Variants in FMN1 observed in about 807,000 individuals in gnomAD.
FMN1 encodes formin 1, also known as formin-1.
FMN1 carries 110 observed loss-of-function variants against 132.4 expected under a neutral mutation model. That is an observed-to-expected ratio of 0.83 (90% CI 0.71 to 0.97). FMN1 has a LOEUF of 0.97. Among genes scored for constraint, FMN1 ranks in the 50% least tolerant of loss-of-function variants. FMN1 has a pLI of 0.00. For missense variants in FMN1, 1,792 were observed against 1,705.3 expected, an observed-to-expected ratio of 1.05 and a Z score of -0.90; for synonymous variants, 722 against 651.7, an observed-to-expected ratio of 1.11 and a Z score of -1.64.
At chr15:33,061,255 C>T (rs188786691) in intron 6 of FMN1, among the ~76,000 whole-genome samples, 562 of 152,312 alleles carry the variant, frequency 3.7e-3, no homozygotes, top group Middle Eastern at 6.8e-3. Flanking sequence ...CAAGCCCTGT[C>T]CCTGGGGAGA....
chr15:32,831,788 T>A (rs1198361321), intron 17 of FMN1, among the ~76,000 whole-genome samples: 1 of 150,096 alleles, frequency 6.7e-6, no homozygotes, highest in Non-Finnish European at 1.5e-5. Flanking sequence ...GGATGAAGAA[T>A]GTGGGTGGGG....
intron 4 of FMN1, among the ~76,000 whole-genome samples, chr15:33,137,061 C>T (rs1369667844): frequency 3.6e-5 from 5 of 139,182 alleles, no homozygotes; most frequent in Admixed American, 3.0e-4. Flanking sequence ...GCACTCCAGC[C>T]TGGGCGACAG....
intron 6 of FMN1, among the ~76,000 whole-genome samples, chr15:33,013,734 G>C (rs2140973805): frequency 6.6e-6 from 1 of 152,276 alleles, no homozygotes; most frequent in East Asian, 1.9e-4. Flanking sequence ...TGTAAATGTT[G>C]AGTCCTAACC....
In FMN1 at chr15:33,067,562, T is replaced by G. The variant is rs367765785; in HGVS notation, c.2044-2488A>C. On this transcript the variant is annotated intron_variant, in intron 5 of 20. Transcript: ENST00000616417. Reference sequence around the variant, plus strand: ...GAGAGATGTCCCTGCTTCTTTTCTCTGACTTCCCTCTGATTCTGTCTCCAC... The same window carrying G: ...GAGAGATGTCCCTGCTTCTTTTCTCGGACTTCCCTCTGATTCTGTCTCCAC... 1.9e-6 allele frequency: 3 copies of G among 1,614,002 alleles called. No homozygotes were observed. The Admixed American group carries it at 5.0e-5, about 27-fold the overall frequency.
chr15:33,077,358 T>G (rs1221154618), intron 5 of FMN1, among the ~76,000 whole-genome samples: 1 of 94,060 alleles, frequency 1.1e-5, no homozygotes, highest in Non-Finnish European at 2.3e-5. Flanking sequence ...TTTTTTAATA[T>G]ATATATATAT....
At position 32,888,290 on chromosome 15, in the gene FMN1, T is replaced by G; in HGVS notation, c.3717A>C (p.Glu1239Asp). ...GGAAAACACTCTTTTCTGTTCCAGC[T>G]TCCTAAGAGATATGGTAAACAAAAG... ...VKYYLRYYDQ[E>D]AGTEKSVFPL... Residue 1239 changes from glutamate to aspartate, a missense_variant and splice_region_variant, in exon 16 of 21, where the codon GAA becomes GAC. Transcript: ENST00000616417. 2 of 1,608,040 alleles carry G rather than the reference T, an allele frequency of 1.2e-6. No homozygotes were observed. The highest frequency in any genetic ancestry group is 1.7e-6 in the Non-Finnish European group (2 of 1,178,086).
chr15:32,768,400 A>C lies in FMN1; in HGVS notation c.*5910T>G, dbSNP rs1020561. 108,178 of 152,108 alleles carry C rather than the reference A, an allele frequency of 0.71. 39,805 individuals carry two copies. Among genetic ancestry groups the C allele is most frequent in the Non-Finnish European group, 0.8 (54,340 of 68,008 alleles). The allele number at this position is 152,108 out of a possible 1,614,324, so 9.4% of individuals were successfully genotyped here. A position where few individuals can be genotyped will look rare whatever the true frequency, so the allele number is the denominator to read the frequency against. On this transcript the variant is annotated 3_prime_UTR_variant, in exon 21 of 21. Transcript: ENST00000616417. ...ACGTTTGCCAAGGACATTAACAAAC[A>C]ATTGCTAATGTGTGCCTGAAATCTG... is the stretch of plus-strand genomic sequence containing the variant.
intron 19 of FMN1, among the ~76,000 whole-genome samples, chr15:32,783,885 G>A (rs1240165879): frequency 1.3e-5 from 2 of 151,602 alleles, no homozygotes; most frequent in Non-Finnish European, 2.9e-5. Context: ...GCTTTCTACA[G>A]GTTAGAGGCA....
intron 4 of FMN1, among the ~76,000 whole-genome samples, chr15:33,127,609 G>T (rs1963220876): frequency 6.6e-6 from 1 of 150,734 alleles, no homozygotes; most frequent in Non-Finnish European, 1.5e-5. Flanking sequence ...AACCAAGACA[G>T]AAGTTAAAAC....
At chr15:33,165,490 A>G (rs534655842) in intron 3 of FMN1, among the ~76,000 whole-genome samples, 3 of 152,262 alleles carry the variant, frequency 2.0e-5, no homozygotes, top group South Asian at 2.1e-4. Flanking sequence ...TCCCGGGTTC[A>G]CGCCATTCTC....
At position 33,191,355 on chromosome 15, in the gene FMN1, G is replaced by C. The variant is rs529258738; in HGVS notation, c.-197+2554C>G. 4.6e-5 allele frequency among the ~76,000 whole-genome samples: 7 copies of C among 152,306 alleles called. No homozygotes were observed. In the South Asian group the frequency reaches 1.4e-3, roughly 32 times the overall value. The stretch of plus-strand genomic sequence containing the variant: ...GGAACATAAAACAAGTCAGTATCAA[G>C]TTAAGGAAATAGGAGGTGTGTTGGT... On this transcript the variant is annotated intron_variant, in intron 2 of 20. Coordinates refer to ENST00000616417, the MANE Select transcript of FMN1 (RefSeq NM_001277313.2).
chr15:32,926,303 A>ACCATGCAGT (rs1384972442), intron 9 of FMN1, 42 bp from the exon 10 acceptor site: 1 of 1,152,040 alleles, frequency 8.7e-7, no homozygotes, highest in Non-Finnish European at 1.2e-6. Context: ...AGCTCAAATG[A>ACCATGCAGT]CCATGCAGTC....
rs2037645021 is a variant in FMN1 at position 33,064,841 on chromosome 15, A to G, written c.2161+116T>C. The G allele has an allele frequency of 5.9e-6, 4 of 677,570 alleles. No homozygotes were observed. The East Asian group carries it at 8.0e-5, about 14-fold the overall frequency. The allele number at this position is 677,570 out of a possible 1,614,324, so 42.0% of individuals were successfully genotyped here. A position where few individuals can be genotyped will look rare whatever the true frequency, so the allele number is the denominator to read the frequency against. On this transcript the variant is annotated intron_variant, in intron 6 of 20. Coordinates refer to ENST00000616417, the MANE Select transcript of FMN1 (RefSeq NM_001277313.2). ...CAGCAAAACCAAAAAGAAACCCTTC[A>G]GCATTACATTTTATAATGAAATAAA...
intron 5 of FMN1, among the ~76,000 whole-genome samples, chr15:33,069,546 T>C (rs1227212132): frequency 1.3e-5 from 2 of 152,040 alleles, no homozygotes; most frequent in Admixed American, 6.6e-5. Flanking sequence ...TCTGCAGGAG[T>C]GGGTGGCTGC....
At chr15:33,016,586 G>A (rs1024436779) in intron 6 of FMN1, among the ~76,000 whole-genome samples, 3 of 152,222 alleles carry the variant, frequency 2.0e-5, no homozygotes, top group Non-Finnish European at 4.4e-5. Flanking sequence ...GCTGCCAGCA[G>A]AGCTTTTTAA....
chr15:33,049,751 C>A (rs186348308), intron 6 of FMN1, among the ~76,000 whole-genome samples: 6 of 152,334 alleles, frequency 3.9e-5, no homozygotes, highest in East Asian at 1.9e-4. Context: ...CTGTCCAAAT[C>A]GTGTTCAAAT....
At chr15:32,961,292 C>T (rs1294717334) in intron 9 of FMN1, among the ~76,000 whole-genome samples, 1 of 151,808 alleles carries the variant, frequency 6.6e-6, no homozygotes, top group South Asian at 2.1e-4. Flanking sequence ...CGCCACCACA[C>T]CTGGCTAATA....
intron 4 of FMN1, among the ~76,000 whole-genome samples, chr15:33,121,569 G>A (rs941951425): frequency 2.0e-5 from 3 of 152,072 alleles, no homozygotes; most frequent in African/African-American, 7.2e-5. Flanking sequence ...TTGCTCTGTC[G>A]CCAGGGTAGA....
rs145516681 is a variant in FMN1, at chr15:32,835,908, C to T, written c.3928+21107G>A. Among the ~76,000 whole-genome samples, 1,174 of 152,044 alleles carry T rather than the reference C, an allele frequency of 7.7e-3. 49 individuals are homozygous for T. Among genetic ancestry groups the T allele is most frequent in the Admixed American group, 0.071 (1,080 of 15,264 alleles). On this transcript the variant is annotated intron_variant, in intron 17 of 20. Coordinates refer to ENST00000616417, the MANE Select transcript of FMN1 (RefSeq NM_001277313.2). ...CAGGTTCTCACTCTGTTACCCAGGC[C>T]GGAGTGCAGTGGCATGATCATGGCT...
Sources: gnomAD v4.1 joint callset for allele counts (sites outside exome capture counted in the v4.1 genomes callset) on GRCh38, gnomAD v4.1.1 for gene constraint, MANE v1.5 for transcripts, NCBI Gene and HGNC (gene_info 2026-07-23, HGNC 2026-07-21) for gene names.